ZNF44: variants seen among roughly 807,000 people sequenced by gnomAD.
ZNF44 encodes the protein zinc finger protein 44, also known as gonadotropin inducible transcription repressor-2.
ZNF44 carries 9 observed loss-of-function variants against 11.7 expected under a neutral mutation model. The observed-to-expected ratio is 0.77, with a 90% confidence interval of 0.46 to 1.35. The LOEUF (loss-of-function observed/expected upper bound fraction) is 1.35. Ranked by LOEUF, ZNF44 falls within the 40% of genes most tolerant of loss-of-function variation. ZNF44 has a pLI of 0.00. For synonymous variants in ZNF44, 224 were observed against 242.7 expected (o/e 0.92, Z 0.72); for missense variants, 696 against 743.1 (o/e 0.94, Z 0.74).
intron 1 of ZNF44, chr19:12,284,266 T>C (rs1967619365): frequency 2.4e-6 from 1 of 413,948 alleles, no homozygotes; most frequent in South Asian, 2.6e-5. Context: ...ATGGAGATAA[T>C]ACATAATCAC....
chr19:12,276,594 T>C (rs1967230682), intron 1 of ZNF44, among the ~76,000 whole-genome samples: 1 of 152,226 alleles, frequency 6.6e-6, no homozygotes. Flanking sequence ...GCTTAACTCC[T>C]AACTTCCCTC....
intron 5 of ZNF44, among the ~76,000 whole-genome samples, chr19:12,254,687 A>G (rs977060713): frequency 6.6e-6 from 1 of 151,970 alleles, no homozygotes; most frequent in Non-Finnish European, 1.5e-5. Context: ...GTGAGCCGCA[A>G]TCGCACCACT....
intron 5 of ZNF44, among the ~76,000 whole-genome samples, chr19:12,257,866 G>C (rs2145700984): frequency 6.6e-6 from 1 of 151,598 alleles, no homozygotes; most frequent in Non-Finnish European, 1.5e-5. Flanking sequence ...AGCTACTCGG[G>C]AGGCCAAGGC....
upstream of ZNF44, among the ~76,000 whole-genome samples, chr19:12,242,278 T>A (rs1020124670): frequency 1.3e-5 from 2 of 148,870 alleles, no homozygotes; most frequent in African/African-American, 5.0e-5. Context: ...GAGGCCGAGG[T>A]GGGCAGATCA....
chr19:12,263,189 C>T (rs148492730), intron 5 of ZNF44, among the ~76,000 whole-genome samples: 5 of 152,022 alleles, frequency 3.3e-5, no homozygotes, highest in Admixed American at 3.3e-4. Context: ...TGGGTTCAAG[C>T]AATTCTCCTG....
chr19:12,266,398 C>T (rs1917728489), intron 5 of ZNF44: 1 of 954,894 alleles, frequency 1.0e-6, no homozygotes, highest in Non-Finnish European at 1.2e-6. Flanking sequence ...GAGAGCGACC[C>T]GAGGGCGCCA....
chr19:12,294,429 G>T (rs932133109), intron 1 of ZNF44, among the ~76,000 whole-genome samples: 1 of 152,258 alleles, frequency 6.6e-6, no homozygotes, highest in Non-Finnish European at 1.5e-5. Flanking sequence ...AAGCGGGGCT[G>T]AGGGCGCGGA....
intron 5 of ZNF44, among the ~76,000 whole-genome samples, chr19:12,254,497 C>T (rs1257200464): frequency 6.6e-6 from 1 of 152,032 alleles, no homozygotes; most frequent in South Asian, 2.1e-4. Flanking sequence ...ACTTTGGAGG[C>T]CAAGGTGGGC....
chr19:12,275,463 A>G lies in ZNF44; in HGVS notation c.131-430T>C, dbSNP rs1015437867. On this transcript the variant is annotated intron_variant, in intron 2 of 3. Transcript: ENST00000355684. ...GGAGATCGAGACCATCCTGGCTAAC[A>G]TGTTGAAACCCTGTCTCTACTAAAA... Among the ~76,000 whole-genome samples, 3 of 152,162 alleles carry G rather than the reference A, an allele frequency of 2.0e-5. 1 individual carries two copies. In the South Asian group the frequency reaches 6.2e-4, roughly 32 times the overall value.
upstream of ZNF44, among the ~76,000 whole-genome samples, chr19:12,239,977 C>CCTGT: frequency 6.6e-6 from 1 of 152,080 alleles, no homozygotes; most frequent in East Asian, 1.9e-4. Flanking sequence ...AGCCAAGAGG[C>CCTGT]CTGTATCTTG....
At chr19:12,230,675 C>A (rs1430186372) in intron 2 of ZNF44, among the ~76,000 whole-genome samples, 1 of 152,180 alleles carries the variant, frequency 6.6e-6, no homozygotes, top group Non-Finnish European at 1.5e-5. Flanking sequence ...CTGCCCCCAG[C>A]ACCCATCCTG....
chr19:12,292,856 T>G (rs934299731), intron 1 of ZNF44, among the ~76,000 whole-genome samples: 1 of 4,796 alleles, frequency 2.1e-4, no homozygotes, highest in African/African-American at 8.0e-4. Context: ...AGAGGTTAGG[T>G]TTTTTTTTTT....
chr19:12,249,980 G>A (rs1475147741), exon 7 of ZNF44: 2 of 1,285,664 alleles, frequency 1.6e-6, no homozygotes, highest in Admixed American at 2.3e-5. Context: ...TGACTCACCT[G>A]AGATTTCTCC....
upstream of ZNF44, among the ~76,000 whole-genome samples, chr19:12,240,384 G>A (rs996480807): frequency 3.3e-5 from 5 of 150,112 alleles, no homozygotes; most frequent in Non-Finnish European, 7.4e-5. Flanking sequence ...GATGGAGGGT[G>A]CAGTGCACTG....
intron 1 of ZNF44, among the ~76,000 whole-genome samples, chr19:12,287,729 T>C (rs1967827956): frequency 1.3e-5 from 2 of 152,240 alleles, no homozygotes; most frequent in African/African-American, 2.4e-5. Flanking sequence ...CTTAGGCTAA[T>C]TTTGTATGTT....
intron 3 of ZNF44, among the ~76,000 whole-genome samples, chr19:12,228,442 T>G (rs1054281996): frequency 6.6e-6 from 1 of 152,222 alleles, no homozygotes; most frequent in Admixed American, 6.5e-5. Flanking sequence ...CCGTGTGTCC[T>G]AGGTTTTACC....
chr19:12,266,110 C>T (rs1204943850), intron 5 of ZNF44, among the ~76,000 whole-genome samples: 2 of 152,102 alleles, frequency 1.3e-5, no homozygotes, highest in Non-Finnish European at 2.9e-5. Flanking sequence ...GACTGCCGGC[C>T]GGACCAGGGC....
chr19:12,250,797 T>C (rs1273826778), intron 5 of ZNF44: 2 of 456,206 alleles, frequency 4.4e-6, no homozygotes, highest in Non-Finnish European at 8.8e-6. Flanking sequence ...TTTTCTACTA[T>C]TCCCATCACT....
Position 12,257,830 on chromosome 19 carries a change from G to T in ZNF44, c.1913-7462C>A, listed in dbSNP as rs1917324371. ...AAAAAAAAAAAAAAAATTCAACTGG[G>T]CATTGTGGTGCACGCCTGTAATCCC... On this transcript the variant is annotated intron_variant and NMD_transcript_variant, in intron 5 of 7. Coordinates refer to the ZNF44 transcript ENST00000393337. Among the ~76,000 whole-genome samples, 3 of 150,452 alleles carry T rather than the reference G, an allele frequency of 2.0e-5. No individual in the cohort carries two copies. In the Admixed American group the frequency reaches 2.0e-4, roughly 10 times the overall value.
Sources: gnomAD v4.1 joint callset for allele counts (sites outside exome capture counted in the v4.1 genomes callset) on GRCh38, gnomAD v4.1.1 for gene constraint, MANE v1.5 for transcripts, NCBI Gene and HGNC (gene_info 2026-07-23, HGNC 2026-07-21) for gene names.